SGO2: variants seen among roughly 807,000 people sequenced by gnomAD.
The protein encoded by SGO2 is shugoshin-like 2.
Under a neutral mutation model 99.5 loss-of-function variants are expected in SGO2, and 68 were observed. That is an observed-to-expected ratio of 0.68 (90% CI 0.56 to 0.84). The LOEUF is 0.84. SGO2 is among the 40% of genes least tolerant of loss of function. SGO2 has a pLI of 0.00. For synonymous variants in SGO2, 457 were observed against 487.1 expected (o/e 0.94, Z 0.81); for missense variants, 1,350 against 1,436.7 (o/e 0.94, Z 0.97).
intron 8 of SGO2, among the ~76,000 whole-genome samples, chr2:200,578,272 C>A (rs1471896563): frequency 6.6e-6 from 1 of 151,842 alleles, no homozygotes; most frequent in Non-Finnish European, 1.5e-5. Flanking sequence ...ACTTTGACCA[C>A]TAAGAGTTCC....
intron 8 of SGO2, among the ~76,000 whole-genome samples, chr2:200,578,888 T>TC (rs2106353185): frequency 6.6e-6 from 1 of 152,290 alleles, no homozygotes; most frequent in East Asian, 1.9e-4. Context: ...AATCTTAGGA[T>TC]GGTATTGACT....
intron 5 of SGO2, among the ~76,000 whole-genome samples, chr2:200,558,957 C>T (rs550780183): frequency 1.0e-3 from 157 of 152,110 alleles, no homozygotes; most frequent in African/African-American, 2.6e-3. Flanking sequence ...TGCTCGCCAA[C>T]GCGCCCAGCT....
intron 5 of SGO2, among the ~76,000 whole-genome samples, chr2:200,559,848 AT>A (rs2032872794): frequency 6.6e-6 from 1 of 151,810 alleles, no homozygotes; most frequent in African/African-American, 2.4e-5. Flanking sequence ...GGGTATTTTT[AT>A]TTTTACTTTT....
chr2:200,534,207 G>T (rs1383092627), intron 2 of SGO2, among the ~76,000 whole-genome samples: 2 of 152,140 alleles, frequency 1.3e-5, no homozygotes, highest in African/African-American at 4.8e-5. Flanking sequence ...ATAGTGAAAT[G>T]TAAGTTAAAA....
intron 8 of SGO2, chr2:200,576,149 C>A: frequency 5.9e-6 from 2 of 339,106 alleles, no homozygotes; most frequent in Non-Finnish European, 1.1e-5. Context: ...AAAGCAATAA[C>A]CAGCAGATGG....
Position 200,575,456 on chromosome 2 carries a change from C to G in SGO2, c.3777C>G (p.Leu1259=). 1.3e-6 allele frequency: 2 copies of G among 1,575,012 alleles called. No homozygotes were observed. Among genetic ancestry groups the G allele is most frequent in the Middle Eastern group, 1.7e-4 (1 of 5,748 alleles). Residue 1259 remains leucine (L), a synonymous_variant, in exon 8 of 9, where the codon CTC becomes CTG. Transcript: ENST00000357799. ...CTPFYFKEPS[L]RDKMRR ...CTTTCTATTTTAAAGAGCCAAGCCT[C>G]AGAGAGTAAGTATTTCAAATGATTT...
chr2:200,580,451 T>C, intron 8 of SGO2: 1 of 431,388 alleles, frequency 2.3e-6, no homozygotes. Flanking sequence ...ATTTATTATT[T>C]CCTTCTTTGT....
chr2:200,557,774 C>T (rs2032775559), intron 5 of SGO2, among the ~76,000 whole-genome samples: 1 of 151,794 alleles, frequency 6.6e-6, no homozygotes, highest in Non-Finnish European at 1.5e-5. Flanking sequence ...TCCCCCTAAC[C>T]TCCTAATATA....
rs80124383 is a variant in SGO2, at chr2:200,526,556, T to C, written c.-3+304T>C. Reference sequence around the variant, plus strand: ...GATATTTCTGTCTCTGGGACTGCTCTACTCCCTTGAACAGTTTCTAGGGCA... The same window carrying C: ...GATATTTCTGTCTCTGGGACTGCTCCACTCCCTTGAACAGTTTCTAGGGCA... On this transcript the variant is annotated intron_variant, in intron 1 of 8. Coordinates refer to ENST00000357799, the MANE Select transcript of SGO2 (RefSeq NM_152524.6). This position sits in a 1 kb window ranked among gnomAD's most constrained non-coding sequence, Gnocchi z 4.8. Among the ~76,000 whole-genome samples the C allele has an allele frequency of 2.7e-3, 414 of 152,290 alleles. 1 individual carries two copies. Among genetic ancestry groups the C allele is most frequent in the Non-Finnish European group, 4.3e-3 (291 of 68,016 alleles).
intron 5 of SGO2, among the ~76,000 whole-genome samples, chr2:200,562,632 A>G (rs555524284): frequency 2.7e-4 from 41 of 152,278 alleles, no homozygotes; most frequent in East Asian, 7.7e-4. Context: ...CATTGAATCT[A>G]TAAATTACCT....
chr2:200,554,377 T>C (rs2032617613), intron 5 of SGO2, among the ~76,000 whole-genome samples: 1 of 152,208 alleles, frequency 6.6e-6, no homozygotes, highest in African/African-American at 2.4e-5. Flanking sequence ...CCACTCTCCA[T>C]GAGTACTGGA....
chr2:200,582,252 C>T (rs947568493), intron 8 of SGO2, among the ~76,000 whole-genome samples: 6 of 152,094 alleles, frequency 3.9e-5, no homozygotes, highest in Admixed American at 6.5e-5. Flanking sequence ...CAAATGATAG[C>T]AGGAACTCAG....
intron 5 of SGO2, among the ~76,000 whole-genome samples, chr2:200,548,918 A>G (rs1019640506): frequency 2.6e-5 from 4 of 152,194 alleles, no homozygotes; most frequent in Admixed American, 2.6e-4. Flanking sequence ...CAACAAACCA[A>G]TAACAAGTAA....
rs1553556133 is a variant in SGO2, at chr2:200,532,938, T to G, written c.-2-36T>G. 2.5e-6 allele frequency: 4 copies of G among 1,578,228 alleles called. No individual in the cohort carries two copies. In the South Asian group the frequency reaches 4.7e-5, roughly 19 times the overall value. On this transcript the variant is annotated intron_variant, in intron 1 of 8. Coordinates refer to ENST00000357799, the MANE Select transcript of SGO2 (RefSeq NM_152524.6). Reference sequence around the variant, plus strand: ...TTATCAGTTATACTTTTTCTTTTATTAATCAATACTATGATTTTTTTTTCT... The same window carrying G: ...TTATCAGTTATACTTTTTCTTTTATGAATCAATACTATGATTTTTTTTTCT...
intron 5 of SGO2, among the ~76,000 whole-genome samples, chr2:200,562,418 C>A (rs550115802): frequency 2.6e-5 from 4 of 152,112 alleles, no homozygotes; most frequent in Admixed American, 1.3e-4. Context: ...TGGTCTATAT[C>A]TCTGTTTTGG....
intron 5 of SGO2, among the ~76,000 whole-genome samples, chr2:200,557,769 CT>C (rs1258066694): frequency 1.3e-5 from 2 of 152,040 alleles, no homozygotes; most frequent in Admixed American, 1.3e-4. Context: ...TTTATTCCCC[CT>C]AACCTCCTAA....
At chr2:200,558,665 G>A (rs971711792) in intron 5 of SGO2, among the ~76,000 whole-genome samples, 1 of 149,298 alleles carries the variant, frequency 6.7e-6, no homozygotes, top group African/African-American at 2.5e-5. Context: ...ATAGTATGCC[G>A]GTCACTGTAA....
At chr2:200,541,564 A>G (rs1238686544) in intron 4 of SGO2, among the ~76,000 whole-genome samples, 2 of 152,168 alleles carry the variant, frequency 1.3e-5, no homozygotes, top group Non-Finnish European at 1.5e-5. Context: ...AGGACCTGCA[A>G]GTATAATAAA....
intron 5 of SGO2, among the ~76,000 whole-genome samples, chr2:200,567,140 A>G (rs1219989713): frequency 6.6e-6 from 1 of 152,106 alleles, no homozygotes; most frequent in Non-Finnish European, 1.5e-5. Flanking sequence ...AAATGCAGAA[A>G]TCACCCGTCT....
Sources: allele counts gnomAD v4.1 joint callset (sites outside exome capture counted in the v4.1 genomes callset), GRCh38; gene constraint gnomAD v4.1.1; non-coding constraint Gnocchi (gnomAD v3.1); transcripts MANE v1.5; gene names NCBI Gene and HGNC (gene_info 2026-07-23, HGNC 2026-07-21).